Variants in MAGI1 observed in about 807,000 individuals in gnomAD.
The protein encoded by MAGI1 is membrane associated guanylate kinase, WW and PDZ domain containing 1.
In MAGI1, 58 loss-of-function variants were observed where a neutral mutation model predicts 139.9. That is an observed-to-expected ratio of 0.41 (90% CI 0.34 to 0.52). The LOEUF (loss-of-function observed/expected upper bound fraction) is 0.52. Among genes scored for constraint, MAGI1 ranks in the 20% least tolerant of loss-of-function variants. The probability of loss-of-function intolerance (pLI) is 0.12; values close to 1 mark genes in which losing one functional copy is unlikely to be tolerated. For synonymous variants in MAGI1, 812 were observed against 737.9 expected (o/e 1.10, Z -1.63); for missense variants, 1,874 against 1,901.6 (o/e 0.99, Z 0.27).
intron 5 of MAGI1, among the ~76,000 whole-genome samples, chr3:65,455,047 C>A (rs1485145605): frequency 6.6e-6 from 1 of 152,088 alleles, no homozygotes; most frequent in African/African-American, 2.4e-5. Flanking sequence ...CTGCACTACT[C>A]CTACACAGTA....
intron 1 of MAGI1, among the ~76,000 whole-genome samples, chr3:65,844,799 A>C (rs953483599): frequency 2.0e-5 from 3 of 152,200 alleles, no homozygotes; most frequent in African/African-American, 7.2e-5. Context: ...TAAATTACGA[A>C]AAATGATACA....
intron 1 of MAGI1, among the ~76,000 whole-genome samples, chr3:65,935,723 C>T (rs1404297585): frequency 1.3e-5 from 2 of 152,244 alleles, no homozygotes; most frequent in African/African-American, 2.4e-5. Flanking sequence ...ACTGTGTGAG[C>T]TCTGAAGAAA....
At chr3:65,754,921 C>A (rs1462177192) in intron 1 of MAGI1, among the ~76,000 whole-genome samples, 2 of 151,842 alleles carry the variant, frequency 1.3e-5, no homozygotes, top group Non-Finnish European at 2.9e-5. Context: ...AACTGTTACA[C>A]CACAAATAGT....
chr3:65,761,421 A>C (rs1263296696), intron 1 of MAGI1, among the ~76,000 whole-genome samples: 1 of 152,206 alleles, frequency 6.6e-6, no homozygotes, highest in Non-Finnish European at 1.5e-5. Flanking sequence ...CAATAGACCT[A>C]GTACCAGTCT....
intron 1 of MAGI1, among the ~76,000 whole-genome samples, chr3:65,945,699 T>C (rs1327950032): frequency 6.6e-6 from 1 of 152,260 alleles, no homozygotes; most frequent in Non-Finnish European, 1.5e-5. Context: ...TTCCGATTTC[T>C]GTATGTCATT....
chr3:65,688,041 C>T, intron 1 of MAGI1: 1 of 796,180 alleles, frequency 1.3e-6, no homozygotes, highest in South Asian at 1.3e-5. Flanking sequence ...GGATCCTAGG[C>T]CTACTAAGTC....
chr3:65,950,084 A>C lies in MAGI1; in HGVS notation c.313+87912T>G, dbSNP rs1183906071. ...CAAAAAAACAAAAAAAAAACAAAAA[A>C]AAAAACAAACAAAAAAAAAAAACAG... On this transcript the variant is annotated intron_variant, in intron 1 of 22. Transcript: ENST00000402939. 6.2e-4 allele frequency among the ~76,000 whole-genome samples: 46 copies of C among 74,554 alleles called. 2 individuals carry two copies. Among genetic ancestry groups the C allele is most frequent in the African/African-American group, 1.5e-3 (32 of 21,398 alleles). The allele number at this position is 74,554 out of a possible 152,430, so 48.9% of individuals were successfully genotyped here. A position where few individuals can be genotyped will look rare whatever the true frequency, so the allele number is the denominator to read the frequency against.
At chr3:65,672,782 T>C (rs2086942505) in intron 1 of MAGI1, among the ~76,000 whole-genome samples, 1 of 152,194 alleles carries the variant, frequency 6.6e-6, no homozygotes, top group Non-Finnish European at 1.5e-5. Context: ...TTCAAATTCA[T>C]TCCTTTAAAG....
Position 65,383,594 on chromosome 3 carries a change from G to A in MAGI1, c.2446C>T (p.Leu816Phe). 6.2e-7 allele frequency: 1 copy of A among 1,613,696 alleles called. No homozygotes were observed. Among genetic ancestry groups the A allele is most frequent in the Non-Finnish European group, 8.5e-7 (1 of 1,179,630 alleles). Reference protein sequence around the residue: ...LPDYQEQDIFLWRKETGFGFR... With the variant: ...LPDYQEQDIFFWRKETGFGFR... ...CCAAATCCAGTCTCTTTTCTCCAGA[G>A]GAAGATGTCCTGTTCCTGGTAATCT... is the stretch of plus-strand genomic sequence containing the variant. The change falls in exon 15 of 23, where the codon CTC becomes TTC. Residue 816 changes from leucine to phenylalanine, a missense_variant. By Grantham distance (22) the Leu-to-Phe change is conservative. This residue lies in a region of MAGI1 where 482 missense variants were observed against 509.6 expected (regional missense o/e 0.95). Transcript: ENST00000402939.
intron 1 of MAGI1, among the ~76,000 whole-genome samples, chr3:65,981,952 T>C (rs148835594): frequency 1.1e-3 from 162 of 152,324 alleles, no homozygotes; most frequent in Non-Finnish European, 1.9e-3. Context: ...GCTCAAGAGA[T>C]AGCATGTATG....
At chr3:65,427,345 C>T (rs1478554622) in intron 12 of MAGI1, among the ~76,000 whole-genome samples, 4 of 151,990 alleles carry the variant, frequency 2.6e-5, no homozygotes, top group Admixed American at 6.6e-5. Context: ...TCAAGGAGTA[C>T]GTTTCTATAA....
intron 20 of MAGI1, 73 bp from the exon 21 acceptor site, chr3:65,363,681 CA>C: frequency 7.8e-7 from 1 of 1,280,482 alleles, no homozygotes; most frequent in African/African-American, 1.5e-5. Flanking sequence ...ACATTCTTGG[CA>C]AAAAGGCACA....
intron 15 of MAGI1, 112 bp from the exon 16 acceptor site, chr3:65,382,181 G>A (rs1455401693): frequency 2.3e-5 from 20 of 875,038 alleles, no homozygotes; most frequent in South Asian, 1.0e-4. Context: ...CAGGCATGCC[G>A]CAAACATTTA....
At chr3:65,672,677 G>T (rs1014830477) in intron 1 of MAGI1, among the ~76,000 whole-genome samples, 6 of 152,120 alleles carry the variant, frequency 3.9e-5, no homozygotes, top group Admixed American at 1.3e-4. Flanking sequence ...ATAGAATTCT[G>T]CTCAGAAATT....
In MAGI1 at chr3:65,909,792, C is replaced by A. The variant is rs80234902; in HGVS notation, c.313+128204G>T. On this transcript the variant is annotated intron_variant, in intron 1 of 22. Coordinates refer to ENST00000402939, the MANE Select transcript of MAGI1 (RefSeq NM_001033057.2). ...GGGATTCCAAGCAAGATAATCAAACCCAGATAGTATCTACACCAGCGATCA... is the reference window on the plus strand; with the variant it reads ...GGGATTCCAAGCAAGATAATCAAACACAGATAGTATCTACACCAGCGATCA... 5.6e-3 allele frequency among the ~76,000 whole-genome samples: 854 copies of A among 152,108 alleles called. 35 individuals are homozygous for A. In the East Asian group the frequency reaches 0.099, roughly 18 times the overall value.
At chr3:65,938,925 T>C (rs890786995) in intron 1 of MAGI1, among the ~76,000 whole-genome samples, 1 of 152,152 alleles carries the variant, frequency 6.6e-6, no homozygotes, top group Non-Finnish European at 1.5e-5. Flanking sequence ...ATGCAACCAT[T>C]GTAGGTAAAC....
intron 1 of MAGI1, among the ~76,000 whole-genome samples, chr3:65,691,128 C>G (rs984668480): frequency 6.6e-6 from 1 of 151,664 alleles, no homozygotes; most frequent in Non-Finnish European, 1.5e-5. Context: ...CGGGGAAACC[C>G]CGTCTCTACT....
chr3:65,614,405 C>T (rs1339037210), intron 2 of MAGI1, among the ~76,000 whole-genome samples: 1 of 152,106 alleles, frequency 6.6e-6, no homozygotes, highest in African/African-American at 2.4e-5. Context: ...AGTGTATGCA[C>T]TTGAGCCTCT....
At chr3:65,508,247 C>T (rs1011631663) in intron 2 of MAGI1, among the ~76,000 whole-genome samples, 4 of 151,854 alleles carry the variant, frequency 2.6e-5, no homozygotes, top group East Asian at 1.9e-4. Context: ...ACTAAAAATA[C>T]GAAAAAGTTA....
Sources: gnomAD v4.1 joint callset for allele counts (sites outside exome capture counted in the v4.1 genomes callset) on GRCh38, gnomAD v4.1.1 for gene constraint, gnomAD v4.1.1 regional missense constraint, MANE v1.5 for transcripts, NCBI Gene and HGNC (gene_info 2026-07-23, HGNC 2026-07-21) for gene names.